TRPM3: variants seen among roughly 807,000 people sequenced by gnomAD.
TRPM3 encodes transient receptor potential cation channel subfamily M member 3, also known as long transient receptor potential channel 3.
In TRPM3, 77 loss-of-function variants were observed where a neutral mutation model predicts 181.2. That is an observed-to-expected ratio of 0.42 (90% CI 0.35 to 0.51). TRPM3 has a LOEUF of 0.51. Ranked by LOEUF, TRPM3 falls within the 20% of genes least tolerant of loss-of-function variation. TRPM3 has a pLI of 0.01. For missense variants in TRPM3, 1,759 were observed against 2,196.7 expected (o/e 0.80, Z 3.98); for synonymous variants, 745 against 796.4 (o/e 0.94, Z 1.09).
intron 1 of TRPM3, among the ~76,000 whole-genome samples, chr9:71,294,441 C>T (rs976730163): frequency 6.6e-6 from 1 of 152,052 alleles, no homozygotes; most frequent in Admixed American, 6.6e-5. Flanking sequence ...ACCTGCCAGA[C>T]TGGCAAAATT....
At chr9:71,336,302 C>A (rs1394875711) in intron 1 of TRPM3, among the ~76,000 whole-genome samples, 1 of 151,968 alleles carries the variant, frequency 6.6e-6, no homozygotes, top group Non-Finnish European at 1.5e-5. Context: ...AGCATTCCCA[C>A]ACAACAATAA....
intron 8 of TRPM3, among the ~76,000 whole-genome samples, chr9:70,687,882 A>G (rs2134375526): frequency 6.6e-6 from 1 of 152,344 alleles, no homozygotes; most frequent in East Asian, 1.9e-4. Context: ...GGTGCTGGGA[A>G]TGGAGCAGTG....
In TRPM3 at chr9:71,430,694, C is replaced by A. The variant is rs182866785; in HGVS notation, c.183+15959G>T. Among the ~76,000 whole-genome samples, 732 of 152,140 alleles carry A rather than the reference C, an allele frequency of 4.8e-3. 3 individuals are homozygous for A. Among genetic ancestry groups the A allele is most frequent in the South Asian group, 0.02 (96 of 4,822 alleles). On this transcript the variant is annotated intron_variant, in intron 1 of 24. Transcript: ENST00000357533. ...GGGCATGGTGGCGTGCACCTGTAAT[C>A]CCAGCTGCTGGGAGGCTGGAGCAGG...
At chr9:70,575,876 CT>C (rs1261157153) in intron 22 of TRPM3, among the ~76,000 whole-genome samples, 2 of 152,190 alleles carry the variant, frequency 1.3e-5, no homozygotes, top group Non-Finnish European at 2.9e-5. Flanking sequence ...ACACCAGGCA[CT>C]CCATAACTAT....
chr9:71,423,141 T>C (rs937634509), intron 1 of TRPM3, among the ~76,000 whole-genome samples: 4 of 152,130 alleles, frequency 2.6e-5, no homozygotes, highest in African/African-American at 4.8e-5. Flanking sequence ...TTCTTTTCAC[T>C]GCATTTCCTG....
intron 19 of TRPM3, among the ~76,000 whole-genome samples, chr9:70,609,717 G>C (rs978982294): frequency 1.3e-5 from 2 of 152,226 alleles, no homozygotes; most frequent in South Asian, 4.1e-4. Context: ...ACAGGACCAC[G>C]TGAAAAGCAC....
At chr9:71,124,518 C>T (rs1035098165), upstream of TRPM3, among the ~76,000 whole-genome samples, 2 of 152,120 alleles carry the variant, frequency 1.3e-5, no homozygotes, top group Non-Finnish European at 2.9e-5. Flanking sequence ...ATTCCAAAGC[C>T]TGCCTTTGAG....
In TRPM3 at chr9:71,378,288, T is replaced by C. The variant is rs548052760; in HGVS notation, c.183+68365A>G. 1.3e-3 allele frequency among the ~76,000 whole-genome samples: 204 copies of C among 152,180 alleles called. 1 individual carries two copies. Among genetic ancestry groups the C allele is most frequent in the African/African-American group, 4.6e-3 (193 of 41,564 alleles). On this transcript the variant is annotated intron_variant, in intron 1 of 24. Transcript: ENST00000357533. ...TTATATACACACTGAAATGCCAAAT[T>C]GGAAAAGACCAAAAATACCAAGAGT...
At chr9:70,780,145 A>T (rs187404194) in intron 7 of TRPM3, among the ~76,000 whole-genome samples, 1 of 152,350 alleles carries the variant, frequency 6.6e-6, no homozygotes, top group East Asian at 1.9e-4. Context: ...TCAAAGATAA[A>T]ACATAAAGTT....
At chr9:71,087,521 T>C (rs1425648211) in intron 1 of TRPM3, among the ~76,000 whole-genome samples, 2 of 152,072 alleles carry the variant, frequency 1.3e-5, no homozygotes, top group Non-Finnish European at 2.9e-5. Context: ...TTTGAACTCA[T>C]GGAGGGAAGA....
chr9:71,349,287 A>G (rs1431555604), intron 1 of TRPM3, among the ~76,000 whole-genome samples: 1 of 152,230 alleles, frequency 6.6e-6, no homozygotes, highest in African/African-American at 2.4e-5. Context: ...ATAAAACTAC[A>G]TATTTTCAAT....
chr9:71,304,461 A>C (rs1454066888), intron 1 of TRPM3, among the ~76,000 whole-genome samples: 1 of 152,202 alleles, frequency 6.6e-6, no homozygotes, highest in Non-Finnish European at 1.5e-5. Flanking sequence ...CACTCTCACA[A>C]GGCATCAACC....
chr9:70,686,728 T>TC (rs1459321123), intron 8 of TRPM3, among the ~76,000 whole-genome samples: 1 of 132,676 alleles, frequency 7.5e-6, no homozygotes, highest in Non-Finnish European at 1.6e-5. Context: ...CTTCCTTCCT[T>TC]CCTTCCTTCC....
At chr9:70,682,325 AC>A (rs1184732784) in intron 8 of TRPM3, among the ~76,000 whole-genome samples, 1 of 152,156 alleles carries the variant, frequency 6.6e-6, no homozygotes, top group Non-Finnish European at 1.5e-5. Flanking sequence ...TGTAATCAAA[AC>A]ATCACTAATG....
In TRPM3 at chr9:70,982,656, T is replaced by C. The variant is rs542893125; in HGVS notation, c.178-118145A>G. Among the ~76,000 whole-genome samples the C allele has an allele frequency of 2.0e-5, 3 of 152,308 alleles. No homozygotes were observed. The East Asian group carries it at 5.8e-4, about 29-fold the overall frequency. On this transcript the variant is annotated intron_variant, in intron 1 of 25. Transcript: ENST00000677713. ...TCCTAGTTTATCTTCCAGCACATATTCATCCTCCTCTCTTCAAAGACAAAC... is the reference window on the plus strand; with the variant it reads ...TCCTAGTTTATCTTCCAGCACATATCCATCCTCCTCTCTTCAAAGACAAAC...
chr9:70,862,001 A>C (rs2095533959), intron 3 of TRPM3, among the ~76,000 whole-genome samples: 1 of 151,936 alleles, frequency 6.6e-6, no homozygotes, highest in South Asian at 2.1e-4. Context: ...AAAGAGAAGA[A>C]AGAGGTGGCT....
intron 9 of TRPM3, among the ~76,000 whole-genome samples, chr9:70,678,996 A>G (rs1590210378): frequency 6.6e-6 from 1 of 152,364 alleles, no homozygotes; most frequent in African/African-American, 2.4e-5. Flanking sequence ...TCCCATTAGC[A>G]TCAACTGCTG....
intron 1 of TRPM3, among the ~76,000 whole-genome samples, chr9:71,270,693 CT>C (rs899296750): frequency 2.6e-5 from 4 of 152,272 alleles, no homozygotes; most frequent in African/African-American, 7.2e-5. Context: ...TATACATGCC[CT>C]GTAATAGTCT....
chr9:71,230,030 C>G (rs1312573125), intron 1 of TRPM3, among the ~76,000 whole-genome samples: 2 of 151,914 alleles, frequency 1.3e-5, no homozygotes, highest in African/African-American at 4.8e-5. Context: ...CAACCTGTGT[C>G]CATCAACAGG....
Sources: gnomAD v4.1 joint callset for allele counts (sites outside exome capture counted in the v4.1 genomes callset) on GRCh38, gnomAD v4.1.1 for gene constraint, MANE v1.5 for transcripts, NCBI Gene and HGNC (gene_info 2026-07-23, HGNC 2026-07-21) for gene names.